Variants in PTPRD observed in about 807,000 individuals in gnomAD.
PTPRD encodes the protein protein tyrosine phosphatase receptor type D.
A neutral mutation model predicts 214.5 loss-of-function variants in PTPRD; 34 were observed. The ratio of observed to expected loss-of-function variants is 0.16; its 90% confidence interval spans 0.12 to 0.21. The LOEUF is 0.21. Among genes scored for constraint, PTPRD ranks in the 10% least tolerant of loss-of-function variants. PTPRD has a pLI of 1.00. For synonymous variants in PTPRD, 1,128 were observed against 845.7 expected, an observed-to-expected ratio of 1.33 and a Z score of -5.79; for missense variants, 2,545 against 2,398.7, an observed-to-expected ratio of 1.06 and a Z score of -1.27.
At chr9:10,502,059 T>TA (rs2043933663) in intron 2 of PTPRD, among the ~76,000 whole-genome samples, 2 of 151,672 alleles carry the variant, frequency 1.3e-5, no homozygotes, top group Non-Finnish European at 2.9e-5. Flanking sequence ...TTAATTTTTT[T>TA]TAAGAAAATA....
intron 7 of PTPRD, among the ~76,000 whole-genome samples, chr9:9,654,254 T>A (rs1322652054): frequency 1.3e-5 from 2 of 152,132 alleles, no homozygotes; most frequent in African/African-American, 4.8e-5. Context: ...AGTGAGAAGC[T>A]ATAAAAATAG....
At chr9:10,450,379 T>A (rs1363613604) in intron 2 of PTPRD, among the ~76,000 whole-genome samples, 1 of 152,072 alleles carries the variant, frequency 6.6e-6, no homozygotes, top group Non-Finnish European at 1.5e-5. Context: ...TTTATCTAAT[T>A]GTCATACTAG....
At chr9:9,803,392 T>C (rs945978752) in intron 5 of PTPRD, among the ~76,000 whole-genome samples, 2 of 151,992 alleles carry the variant, frequency 1.3e-5, no homozygotes, top group Admixed American at 6.6e-5. Flanking sequence ...TATTTTTTCA[T>C]TAGATTGCTT....
At chr9:10,062,661 T>C (rs963918719) in intron 3 of PTPRD, among the ~76,000 whole-genome samples, 1 of 152,024 alleles carries the variant, frequency 6.6e-6, no homozygotes, top group East Asian at 1.9e-4. Context: ...AGTTGTTAAG[T>C]AGCCGATAGC....
intron 34 of PTPRD, chr9:8,437,200 G>C (rs1285947446): frequency 1.3e-6 from 2 of 1,523,220 alleles, no homozygotes; most frequent in Non-Finnish European, 1.8e-6. Context: ...AAACTAACTT[G>C]AAGAATGAAG....
In PTPRD at chr9:10,295,162, A is replaced by C. The variant is rs183230485; in HGVS notation, c.-545+45801T>G. ...ATGTCTATTTTTGCTTTACTTTAGC[A>C]CACACACACCCTTTAATGTTTTGTG... is the stretch of plus-strand genomic sequence containing the variant. On this transcript the variant is annotated intron_variant, in intron 3 of 45. Transcript: ENST00000381196. Among the ~76,000 whole-genome samples, 468 of 152,144 alleles carry C rather than the reference A, an allele frequency of 3.1e-3. 3 individuals are homozygous for C. The highest frequency in any genetic ancestry group is 0.011 in the African/African-American group (450 of 41,552).
At chr9:8,930,717 A>C (rs969754355) in intron 11 of PTPRD, among the ~76,000 whole-genome samples, 3 of 152,174 alleles carry the variant, frequency 2.0e-5, no homozygotes, top group Admixed American at 2.0e-4. Flanking sequence ...GCCAGTGATG[A>C]TGAGCATTTT....
chr9:9,962,846 T>C (rs1221657132), intron 4 of PTPRD, among the ~76,000 whole-genome samples: 3 of 152,042 alleles, frequency 2.0e-5, no homozygotes, highest in Admixed American at 6.6e-5. Flanking sequence ...AAAGAAAATA[T>C]AGTAGCACAA....
chr9:8,446,121 T>C (rs528887003), intron 34 of PTPRD, among the ~76,000 whole-genome samples: 145 of 152,338 alleles, frequency 9.5e-4, no homozygotes, highest in South Asian at 1.0e-3. Flanking sequence ...AGCAGGTTTC[T>C]CTGTCTTTTC....
At chr9:9,387,010 T>C (rs2064099901) in intron 9 of PTPRD, among the ~76,000 whole-genome samples, 2 of 152,198 alleles carry the variant, frequency 1.3e-5, no homozygotes, top group Non-Finnish European at 1.5e-5. Context: ...ACATAACTTA[T>C]TTAACGCTCA....
chr9:9,703,503 C>T (rs1158918045), intron 7 of PTPRD, among the ~76,000 whole-genome samples: 3 of 152,082 alleles, frequency 2.0e-5, no homozygotes, highest in South Asian at 4.1e-4. Context: ...TTAGGTTTCA[C>T]CCCAGACTTA....
At position 8,316,366 on chromosome 9, in the gene PTPRD, C is replaced by G. The variant is rs982112058; in HGVS notation, c.*1508G>C. The G allele has an allele frequency of 2.6e-5, 6 of 231,406 alleles. No homozygotes were observed. Among genetic ancestry groups the G allele is most frequent in the Non-Finnish European group, 4.3e-5 (5 of 116,752 alleles). 14.3% of individuals were successfully genotyped at this position (231,406 alleles called of 1,614,324 possible). On this transcript the variant is annotated 3_prime_UTR_variant, in exon 46 of 46. Coordinates refer to ENST00000381196, the MANE Select transcript of PTPRD (RefSeq NM_002839.4). ...AGGCACTCTAAATGCAAAACTAAAA[C>G]CAAAACGAAACAAAGTACAGCACTT...
chr9:9,126,194 A>G (rs1259997275), intron 10 of PTPRD, among the ~76,000 whole-genome samples: 1 of 152,232 alleles, frequency 6.6e-6, no homozygotes, highest in Non-Finnish European at 1.5e-5. Context: ...GCCACAATTT[A>G]TTTTAGATCG....
chr9:10,413,777 C>A (rs1198102749), intron 2 of PTPRD, among the ~76,000 whole-genome samples: 1 of 151,838 alleles, frequency 6.6e-6, no homozygotes, highest in African/African-American at 2.4e-5. Context: ...ACAAATGGAA[C>A]AGACTAGAAA....
chr9:8,343,928 T>G (rs2132662977), intron 39 of PTPRD, among the ~76,000 whole-genome samples: 1 of 152,146 alleles, frequency 6.6e-6, no homozygotes, highest in Non-Finnish European at 1.5e-5. Context: ...TGACAAGGGT[T>G]TGGAATTATG....
At chr9:9,673,149 A>C (rs1364350952) in intron 7 of PTPRD, among the ~76,000 whole-genome samples, 2 of 151,980 alleles carry the variant, frequency 1.3e-5, no homozygotes, top group Non-Finnish European at 2.9e-5. Context: ...TACCCTTTTT[A>C]TCACACATTT....
At chr9:9,515,328 G>T (rs1239153536) in intron 8 of PTPRD, among the ~76,000 whole-genome samples, 1 of 151,940 alleles carries the variant, frequency 6.6e-6, no homozygotes, top group Non-Finnish European at 1.5e-5. Flanking sequence ...ATATCTATGA[G>T]ATTTTAAAAA....
At chr9:8,660,880 T>C (rs1334706541) in intron 12 of PTPRD, among the ~76,000 whole-genome samples, 1 of 152,084 alleles carries the variant, frequency 6.6e-6, no homozygotes, top group African/African-American at 2.4e-5. Context: ...GCAGTAACAG[T>C]GAGCAATATG....
intron 10 of PTPRD, among the ~76,000 whole-genome samples, chr9:9,122,328 A>G (rs532164029): frequency 2.0e-5 from 3 of 152,268 alleles, no homozygotes; most frequent in African/African-American, 7.2e-5. Flanking sequence ...TTTCTATTTT[A>G]TTTTGTTTAT....
Sources: allele counts gnomAD v4.1 joint callset (sites outside exome capture counted in the v4.1 genomes callset), GRCh38; gene constraint gnomAD v4.1.1; transcripts MANE v1.5; gene names NCBI Gene and HGNC (gene_info 2026-07-23, HGNC 2026-07-21).